Variants in MARCHF6 observed in about 807,000 individuals in gnomAD.
MARCHF6 encodes membrane associated ring-CH-type finger 6.
MARCHF6 carries 31 observed loss-of-function variants against 133.7 expected under a neutral mutation model. That is an observed-to-expected ratio of 0.23 (90% confidence interval 0.17 to 0.31). The LOEUF (loss-of-function observed/expected upper bound fraction) is 0.31. Among genes scored for constraint, MARCHF6 ranks in the 10% least tolerant of loss-of-function variants. MARCHF6 has a pLI of 1.00. For missense variants in MARCHF6, 723 were observed against 1,121.6 expected (o/e 0.64, Z 5.08); for synonymous variants, 395 against 402.5 (o/e 0.98, Z 0.22).
At chr5:10,393,828 A>G (rs1307042362) in intron 7 of MARCHF6, among the ~76,000 whole-genome samples, 1 of 152,096 alleles carries the variant, frequency 6.6e-6, no homozygotes, top group Non-Finnish European at 1.5e-5. Flanking sequence ...TCTCTTTCAG[A>G]TAACCTTATT....
chr5:10,391,851 TTTTAC>T (rs772939722), intron 7 of MARCHF6, 120 bp downstream of exon 7: 24 of 1,076,368 alleles, frequency 2.2e-5, no homozygotes, highest in Non-Finnish European at 2.7e-5. Flanking sequence ...TCTAACTTAT[TTTTAC>T]TTTATTTTGG....
At chr5:10,421,862 G>A (rs923382645) in intron 22 of MARCHF6, 1 of 152,222 alleles carries the variant, frequency 6.6e-6, no homozygotes, top group African/African-American at 2.4e-5. Flanking sequence ...AGCCCTTTAG[G>A]ATATTCTCAG....
intron 9 of MARCHF6, among the ~76,000 whole-genome samples, chr5:10,395,794 T>C (rs1300582431): frequency 6.6e-6 from 1 of 152,140 alleles, no homozygotes; most frequent in Non-Finnish European, 1.5e-5. Flanking sequence ...GTGTTGGCCT[T>C]CTCCTCAGGC....
At chr5:10,386,124 C>G (rs2126716220) in intron 4 of MARCHF6, among the ~76,000 whole-genome samples, 1 of 151,992 alleles carries the variant, frequency 6.6e-6, no homozygotes, top group East Asian at 1.9e-4. Flanking sequence ...GTCAGTTTTA[C>G]ATTGTTACAA....
intron 1 of MARCHF6, among the ~76,000 whole-genome samples, chr5:10,362,730 G>A (rs1735902015): frequency 6.6e-6 from 1 of 152,158 alleles, no homozygotes; most frequent in Admixed American, 6.5e-5. Context: ...ATTTTCAGAT[G>A]TTTGTATGTT....
chr5:10,433,487 C>T lies in MARCHF6; in HGVS notation c.2643-107C>T, dbSNP rs1251796563. On this transcript the variant is annotated intron_variant, in intron 25 of 25. Transcript: ENST00000274140. Reference sequence around the variant, plus strand: ...TTCACTCGGGACTCCCTTTGACTTGCCCAACCATTGACGAGTTTTAAGTAG... The same window carrying T: ...TTCACTCGGGACTCCCTTTGACTTGTCCAACCATTGACGAGTTTTAAGTAG... 14 of 806,554 alleles carry T rather than the reference C, an allele frequency of 1.7e-5. No individual in the cohort carries two copies. In the East Asian group the frequency reaches 3.6e-4, roughly 21 times the overall value. The allele number at this position is 806,554 out of a possible 1,614,324, so 50.0% of individuals were successfully genotyped here. A position where few individuals can be genotyped will look rare whatever the true frequency, so the allele number is the denominator to read the frequency against.
intron 1 of MARCHF6, among the ~76,000 whole-genome samples, chr5:10,376,013 G>A (rs1055388163): frequency 6.6e-6 from 1 of 152,200 alleles, no homozygotes; most frequent in Non-Finnish European, 1.5e-5. Flanking sequence ...GTACCAATCA[G>A]CACCCTGTCA....
chr5:10,400,427 T>C lies in MARCHF6; in HGVS notation c.914-357T>C, dbSNP rs547189794. ...GTGTTTTCTTTGATGTTGCTTTTTC[T>C]CTTTTCGTGATTATTATTTTGGACT... On this transcript the variant is annotated intron_variant, in intron 10 of 25. Coordinates refer to ENST00000274140, the MANE Select transcript of MARCHF6 (RefSeq NM_005885.4). 2.0e-5 allele frequency among the ~76,000 whole-genome samples: 3 copies of C among 152,290 alleles called. No homozygotes were observed. In the South Asian group the frequency reaches 6.2e-4, roughly 32 times the overall value.
Position 10,389,805 on chromosome 5 carries a change from C to T in MARCHF6, c.408-527C>T, listed in dbSNP as rs184616595. On this transcript the variant is annotated intron_variant, in intron 5 of 25. Transcript: ENST00000274140. ...TTCTTTATGTTGTCATTAGACTTAT[C>T]TGGAGGAGCTTCTCCTCTTTTCTGA... Among the ~76,000 whole-genome samples the T allele has an allele frequency of 2.5e-3, 384 of 152,312 alleles. 6 individuals are homozygous for T. Among genetic ancestry groups the T allele is most frequent in the Non-Finnish European group, 1.6e-3 (107 of 68,022 alleles).
chr5:10,356,912 T>G (rs1735509126), intron 1 of MARCHF6, among the ~76,000 whole-genome samples: 1 of 152,118 alleles, frequency 6.6e-6, no homozygotes, highest in African/African-American at 2.4e-5. Context: ...ACTAATTGTT[T>G]GCTAGATTTT....
Position 10,377,784 on chromosome 5 carries a change from T to A in MARCHF6, c.20-14T>A. The A allele has an allele frequency of 6.3e-7, 1 of 1,585,880 alleles. No individual in the cohort carries two copies. The highest frequency in any genetic ancestry group is 8.7e-7 in the Non-Finnish European group (1 of 1,155,620). ...ATAACCAAAGGAAATTCAATTTTCCTTTTTCATTGGCAGACATATGTAGAG... is the reference window on the plus strand; with the variant it reads ...ATAACCAAAGGAAATTCAATTTTCCATTTTCATTGGCAGACATATGTAGAG... On this transcript the variant is annotated splice_polypyrimidine_tract_variant and intron_variant, in intron 1 of 25. Transcript: ENST00000274140.
intron 25 of MARCHF6, among the ~76,000 whole-genome samples, chr5:10,430,988 C>T (rs2126372438): frequency 6.6e-6 from 1 of 152,304 alleles, no homozygotes; most frequent in Non-Finnish European, 1.5e-5. Context: ...ATGGTTTATC[C>T]ATCTCAGTCG....
intron 1 of MARCHF6, among the ~76,000 whole-genome samples, chr5:10,355,812 A>G (rs2399888): frequency 0.83 from 126,610 of 152,190 alleles, 53,874 homozygotes; most frequent in Non-Finnish European, 0.9. Context: ...CAAGATTCAG[A>G]CTCATGTCTG....
At chr5:10,430,418 G>T (rs1272745804) in intron 25 of MARCHF6, among the ~76,000 whole-genome samples, 1 of 150,000 alleles carries the variant, frequency 6.7e-6, no homozygotes, top group Non-Finnish European at 1.5e-5. Context: ...CGATTCTCCT[G>T]CCTCAGCCTC....
intron 1 of MARCHF6, among the ~76,000 whole-genome samples, chr5:10,370,118 T>TTTTTTA (rs1736382202): frequency 6.8e-6 from 1 of 146,168 alleles, no homozygotes; most frequent in African/African-American, 2.5e-5. Context: ...TTTTTTTTTT[T>TTTTTTA]GAGACAGGAT....
rs937287489 is a variant in MARCHF6, at chr5:10,437,145, T to C, written c.*3461T>C. 1.3e-5 allele frequency: 2 copies of C among 152,274 alleles called. No individual in the cohort carries two copies. Among genetic ancestry groups the C allele is most frequent in the African/African-American group, 4.8e-5 (2 of 41,480 alleles). The allele number at this position is 152,274 out of a possible 1,614,324, so 9.4% of individuals were successfully genotyped here. ...GAACACACGCACACGTGCAGGAGAA[T>C]GTAGTGCCATAAGAACACTGGCGCT... On this transcript the variant is annotated 3_prime_UTR_variant, in exon 26 of 26. Transcript: ENST00000274140.
chr5:10,430,001 G>T lies in MARCHF6; in HGVS notation c.2615G>T (p.Arg872Leu). The T allele has an allele frequency of 1.9e-6, 3 of 1,613,134 alleles. No homozygotes were observed. Among genetic ancestry groups the T allele is most frequent in the Non-Finnish European group, 2.5e-6 (3 of 1,179,198 alleles). Residue 872 changes from arginine to leucine, a missense_variant, in exon 25 of 26, where the codon CGC becomes CTC. Arg to Leu is a moderately radical substitution (Grantham distance 102). Coordinates refer to ENST00000274140, the MANE Select transcript of MARCHF6 (RefSeq NM_005885.4). ...ILSFQVRQFK[R>L]LYEHIKNDKY... is the part of the protein sequence containing the mutation. ...TCCTTCCAAGTCCGCCAGTTTAAGC[G>T]CCTTTATGAACATATTAAAAATGAC... is the stretch of plus-strand genomic sequence containing the variant.
chr5:10,431,414 G>A (rs181765915), intron 25 of MARCHF6, among the ~76,000 whole-genome samples: 1 of 152,152 alleles, frequency 6.6e-6, no homozygotes, highest in Non-Finnish European at 1.5e-5. Context: ...CTTTGCCAGG[G>A]GTCTAGACGT....
At chr5:10,414,351 TG>T in intron 19 of MARCHF6, 81 bp from the exon 20 acceptor site, 1 of 777,218 alleles carries the variant, frequency 1.3e-6, no homozygotes, top group Non-Finnish European at 2.1e-6. Flanking sequence ...TTCTTTTTAA[TG>T]GGAAGATTGT....
Sources: gnomAD v4.1 joint callset for allele counts (sites outside exome capture counted in the v4.1 genomes callset) on GRCh38, gnomAD v4.1.1 for gene constraint, MANE v1.5 for transcripts, NCBI Gene and HGNC (gene_info 2026-07-23, HGNC 2026-07-21) for gene names.